Variants in BRAF observed in about 807,000 individuals in gnomAD.
BRAF encodes B-Raf proto-oncogene, serine/threonine kinase.
A neutral mutation model predicts 104.6 loss-of-function variants in BRAF; 16 were observed. That is an observed-to-expected ratio of 0.15 (90% confidence interval 0.10 to 0.23). The LOEUF is 0.23. Ranked by LOEUF, BRAF falls within the 10% of genes least tolerant of loss-of-function variation. BRAF has a pLI of 1.00. For synonymous variants in BRAF, 310 were observed against 341.6 expected (o/e 0.91, Z 1.02); for missense variants, 541 against 937.3 (o/e 0.58, Z 5.52).
chr7:140,720,075 G>T lies in BRAF; in HGVS notation c.*6419C>A. The T allele has an allele frequency of 9.4e-7, 1 of 1,060,338 alleles. No homozygotes were observed. Among genetic ancestry groups the T allele is most frequent in the Non-Finnish European group, 1.1e-6 (1 of 876,184 alleles). The allele number at this position is 1,060,338 out of a possible 1,614,324, so 65.7% of individuals were successfully genotyped here. A position where few individuals can be genotyped will look rare whatever the true frequency, so the allele number is the denominator to read the frequency against. On this transcript the variant is annotated 3_prime_UTR_variant, in exon 20 of 20. Coordinates refer to ENST00000644969, the MANE Select transcript of BRAF (RefSeq NM_001374258.1). Reference sequence around the variant, plus strand: ...CCTTTTTCTTGGTCTAAACCAAAGAGCAATGACAACTACTGAATAAAATTC... The same window carrying T: ...CCTTTTTCTTGGTCTAAACCAAAGATCAATGACAACTACTGAATAAAATTC...
At chr7:140,786,309 C>T (rs1026740077) in intron 9 of BRAF, among the ~76,000 whole-genome samples, 4 of 152,136 alleles carry the variant, frequency 2.6e-5, no homozygotes, top group African/African-American at 9.7e-5. Flanking sequence ...AGGTTTATAA[C>T]AATGTTTACT....
chr7:140,831,495 C>T (rs939144305), intron 3 of BRAF, among the ~76,000 whole-genome samples: 4 of 152,210 alleles, frequency 2.6e-5, no homozygotes, highest in South Asian at 2.1e-4. Context: ...GTTTAGAAAA[C>T]GACTTTTAGA....
intron 14 of BRAF, among the ~76,000 whole-genome samples, chr7:140,767,161 G>A (rs993953430): frequency 6.6e-5 from 10 of 151,806 alleles, no homozygotes; most frequent in Non-Finnish European, 1.2e-4. Flanking sequence ...AGACCACCAC[G>A]CCTGGCTAAT....
chr7:140,888,048 G>A (rs192653428), intron 1 of BRAF, among the ~76,000 whole-genome samples: 7 of 151,934 alleles, frequency 4.6e-5, no homozygotes, highest in South Asian at 2.1e-4. Context: ...AATTTTTTGC[G>A]TTTTTAATAG....
At chr7:140,878,064 A>C (rs1430224165) in intron 1 of BRAF, among the ~76,000 whole-genome samples, 1 of 152,168 alleles carries the variant, frequency 6.6e-6, no homozygotes, top group Non-Finnish European at 1.5e-5. Context: ...GACTGTACAA[A>C]AAAGAAAATT....
At chr7:140,803,073 T>C (rs1316755954) in intron 5 of BRAF, among the ~76,000 whole-genome samples, 1 of 152,238 alleles carries the variant, frequency 6.6e-6, no homozygotes, top group Non-Finnish European at 1.5e-5. Flanking sequence ...CAGCATTCAG[T>C]TCAGTAACAT....
intron 14 of BRAF, among the ~76,000 whole-genome samples, chr7:140,776,102 C>T (rs1438511420): frequency 6.6e-6 from 1 of 152,090 alleles, no homozygotes; most frequent in Non-Finnish European, 1.5e-5. Context: ...AACTTAAAAG[C>T]CTCAATTTCC....
chr7:140,755,041 T>G (rs954955206), intron 14 of BRAF, among the ~76,000 whole-genome samples: 6 of 152,124 alleles, frequency 3.9e-5, no homozygotes, highest in African/African-American at 1.2e-4. Flanking sequence ...GGAGACAAAG[T>G]CTTACTCTAT....
At chr7:140,841,939 AT>A (rs1808012422) in intron 2 of BRAF, among the ~76,000 whole-genome samples, 1 of 152,228 alleles carries the variant, frequency 6.6e-6, no homozygotes, top group African/African-American at 2.4e-5. Flanking sequence ...AAGCAGCGAA[AT>A]AAAAATTTTA....
chr7:140,911,551 A>G (rs981562337), intron 1 of BRAF, among the ~76,000 whole-genome samples: 1 of 152,240 alleles, frequency 6.6e-6, no homozygotes, highest in Non-Finnish European at 1.5e-5. Flanking sequence ...GGTTAAGAAA[A>G]GCTTCCTACA....
chr7:140,845,749 G>T (rs549934267), intron 2 of BRAF, among the ~76,000 whole-genome samples: 24 of 152,186 alleles, frequency 1.6e-4, no homozygotes, highest in African/African-American at 5.8e-4. Context: ...CATGATCTCG[G>T]CTCACTGCAA....
chr7:140,790,324 G>T (rs922038721), intron 8 of BRAF, among the ~76,000 whole-genome samples: 3 of 152,120 alleles, frequency 2.0e-5, no homozygotes, highest in Non-Finnish European at 4.4e-5. Context: ...AAAGCTCCTT[G>T]ACAATCTTTT....
downstream of BRAF, among the ~76,000 whole-genome samples, chr7:140,717,960 A>G (rs921354030): frequency 6.6e-6 from 1 of 152,170 alleles, no homozygotes; most frequent in African/African-American, 2.4e-5. Context: ...GGCTCAAGCA[A>G]TCCTCCTGCC....
At chr7:140,859,271 T>G (rs1230508063) in intron 1 of BRAF, among the ~76,000 whole-genome samples, 2 of 152,210 alleles carry the variant, frequency 1.3e-5, no homozygotes, top group African/African-American at 4.8e-5. Context: ...GTTTGTTTCA[T>G]GCAAGAAAAG....
chr7:140,746,774 G>A, intron 17 of BRAF, among the ~76,000 whole-genome samples: 1 of 150,678 alleles, frequency 6.6e-6, no homozygotes, highest in African/African-American at 2.4e-5. Context: ...AGGTTGCAGT[G>A]AGCTGAGATC....
At chr7:140,802,986 G>T (rs898740941) in intron 5 of BRAF, among the ~76,000 whole-genome samples, 1 of 152,060 alleles carries the variant, frequency 6.6e-6, no homozygotes, top group African/African-American at 2.4e-5. Context: ...GACCATTTTT[G>T]ATCTTTTATA....
chr7:140,819,692 G>A (rs1179063697), intron 3 of BRAF, among the ~76,000 whole-genome samples: 2 of 152,122 alleles, frequency 1.3e-5, no homozygotes, highest in Non-Finnish European at 2.9e-5. Context: ...CAATGTGGAT[G>A]GACTTTGAAA....
Position 140,724,835 on chromosome 7 carries a change from G to C in BRAF, c.*1659C>G. 9.6e-7 allele frequency: 1 copy of C among 1,038,638 alleles called. No homozygotes were observed. The highest frequency in any genetic ancestry group is 1.2e-6 in the Non-Finnish European group (1 of 862,426). The allele number at this position is 1,038,638 out of a possible 1,614,324, so 64.3% of individuals were successfully genotyped here. A position where few individuals can be genotyped will look rare whatever the true frequency, so the allele number is the denominator to read the frequency against. ...AATTCTGAGTCTAGATTCCTGATAA[G>C]GGAGGTTTTCCATTAATTTGCCATT... On this transcript the variant is annotated 3_prime_UTR_variant, in exon 20 of 20. Coordinates refer to ENST00000644969, the MANE Select transcript of BRAF (RefSeq NM_001374258.1).
At chr7:140,920,969 T>C (rs1818155394) in intron 1 of BRAF, among the ~76,000 whole-genome samples, 1 of 152,218 alleles carries the variant, frequency 6.6e-6, no homozygotes, top group African/African-American at 2.4e-5. Flanking sequence ...TGGTGTGGCT[T>C]GCAAAGATGT....
Sources: gnomAD v4.1 joint callset for allele counts (sites outside exome capture counted in the v4.1 genomes callset) on GRCh38, gnomAD v4.1.1 for gene constraint, MANE v1.5 for transcripts, NCBI Gene and HGNC (gene_info 2026-07-23, HGNC 2026-07-21) for gene names.